Variants in ASAP2 observed in about 807,000 individuals in gnomAD.
The protein encoded by ASAP2 is arf-GAP with SH3 domain, ANK repeat and PH domain-containing protein 2.
ASAP2 carries 45 observed loss-of-function variants against 131.4 expected under a neutral mutation model. The ratio of observed to expected loss-of-function variants is 0.34; its 90% CI spans 0.27 to 0.44. The LOEUF is 0.44. Ranked by LOEUF, ASAP2 falls within the 20% of genes least tolerant of loss-of-function variation. The pLI is 1.00. For synonymous variants in ASAP2, 510 were observed against 503.0 expected, an observed-to-expected ratio of 1.01 and a Z score of -0.19; for missense variants, 1,011 against 1,297.0, an observed-to-expected ratio of 0.78 and a Z score of 3.39.
At chr2:9,300,213 C>CA (rs796458018) in intron 3 of ASAP2, among the ~76,000 whole-genome samples, 8 of 152,354 alleles carry the variant, frequency 5.3e-5, no homozygotes, top group African/African-American at 1.9e-4. Context: ...ACCTGGGCGA[C>CA]AGAGAGTGAG....
chr2:9,284,597 T>C (rs949465801), intron 2 of ASAP2, among the ~76,000 whole-genome samples: 4 of 152,162 alleles, frequency 2.6e-5, no homozygotes, highest in Non-Finnish European at 5.9e-5. Context: ...GGATTGCTAG[T>C]GAAGATTAAG....
rs1327894521 is a variant in ASAP2, at chr2:9,311,198, C to T, written c.346-7326C>T. Among the ~76,000 whole-genome samples the T allele has an allele frequency of 1.3e-5, 2 of 151,724 alleles. No individual in the cohort carries two copies. Among genetic ancestry groups the T allele is most frequent in the Admixed American group, 1.3e-4 (2 of 15,228 alleles). ...CTTGAGCCCAGAAGTTTGAGACCAG[C>T]GTTGGCAACATGGGGAGACCCTGTC... On this transcript the variant is annotated intron_variant, in intron 3 of 27. Transcript: ENST00000281419. The surrounding 1 kb of genome is among the most constrained non-coding windows in gnomAD (Gnocchi z 5.2).
At chr2:9,336,961 C>T (rs1399513237) in intron 9 of ASAP2, among the ~76,000 whole-genome samples, 4 of 152,226 alleles carry the variant, frequency 2.6e-5, no homozygotes, top group African/African-American at 4.8e-5. Flanking sequence ...CCTCTGGGCA[C>T]AGTGCAAAGG....
chr2:9,273,095 T>C (rs1666515447), intron 1 of ASAP2, among the ~76,000 whole-genome samples: 1 of 152,204 alleles, frequency 6.6e-6, no homozygotes, highest in South Asian at 2.1e-4. Flanking sequence ...AAAGCATTGG[T>C]ATTTTGATAG....
chr2:9,298,397 C>T (rs941287505), intron 3 of ASAP2, among the ~76,000 whole-genome samples: 12 of 152,324 alleles, frequency 7.9e-5, no homozygotes, highest in Non-Finnish European at 1.6e-4. Flanking sequence ...AGCAGGAGCA[C>T]TCGGGCCCTT....
intron 23 of ASAP2, among the ~76,000 whole-genome samples, chr2:9,391,659 C>G (rs1675732798): frequency 6.6e-6 from 1 of 150,608 alleles, no homozygotes. Flanking sequence ...GCTGCAACCT[C>G]TGCCTCCCGG....
At chr2:9,241,474 C>G (rs1250599098) in intron 1 of ASAP2, among the ~76,000 whole-genome samples, 1 of 152,122 alleles carries the variant, frequency 6.6e-6, no homozygotes, top group Non-Finnish European at 1.5e-5. Context: ...TGTGGTGGCT[C>G]ATGCCTATAA....
Position 9,358,884 on chromosome 2 carries a change from C to T in ASAP2, c.1456C>T (p.Leu486=). 2 of 1,600,688 alleles carry T rather than the reference C, an allele frequency of 1.2e-6. No homozygotes were observed. Residue 486 remains leucine, a synonymous_variant, in exon 15 of 28, where the codon CTG becomes TTG. Transcript: ENST00000281419. The part of the protein sequence containing the change: ...LTLDVLGTSE[L]LLAKNIGNAG... ...CTTAGATGTACTGGGAACATCTGAG[C>T]TGCTGGTAATTTTTAAATCCTTGAT...
chr2:9,253,093 GT>G (rs1334451809), intron 1 of ASAP2, among the ~76,000 whole-genome samples: 1 of 152,010 alleles, frequency 6.6e-6, no homozygotes, highest in African/African-American at 2.4e-5. Flanking sequence ...GTTTTTTGTT[GT>G]TTTTTAAAAA....
At chr2:9,256,181 A>G (rs1050686962) in intron 1 of ASAP2, among the ~76,000 whole-genome samples, 3 of 142,540 alleles carry the variant, frequency 2.1e-5, no homozygotes, top group Non-Finnish European at 3.0e-5. Flanking sequence ...AAAAAAAAAA[A>G]GAAAGCAAGT....
rs752861646 is a variant in ASAP2, at chr2:9,388,291, C to T, written c.2131-3C>T. 6.2e-7 allele frequency: 1 copy of T among 1,613,562 alleles called. No individual in the cohort carries two copies. Reference sequence around the variant, plus strand: ...ACGCCTCTGCCCCAATGTTCTCCTGCAGCCCAGTCCCAACCGGCGGGAAGA... The same window carrying T: ...ACGCCTCTGCCCCAATGTTCTCCTGTAGCCCAGTCCCAACCGGCGGGAAGA... On this transcript the variant is annotated splice_region_variant and splice_polypyrimidine_tract_variant and intron_variant, in intron 21 of 27. Transcript: ENST00000281419.
At chr2:9,231,678 C>T (rs1283847281) in intron 1 of ASAP2, among the ~76,000 whole-genome samples, 1 of 152,162 alleles carries the variant, frequency 6.6e-6, no homozygotes, top group Non-Finnish European at 1.5e-5. Context: ...TCTGCCTGGC[C>T]CTTGGGTGTC....
chr2:9,349,160 A>T (rs1672171171), intron 11 of ASAP2, among the ~76,000 whole-genome samples: 1 of 152,220 alleles, frequency 6.6e-6, no homozygotes, highest in Non-Finnish European at 1.5e-5. Flanking sequence ...TATAATAAAA[A>T]TAGCTGAGTA....
intron 16 of ASAP2, among the ~76,000 whole-genome samples, chr2:9,373,451 GTGGGAGTAA>G (rs1167370490): frequency 6.6e-6 from 1 of 152,254 alleles, no homozygotes; most frequent in Admixed American, 6.5e-5. Context: ...TCTGGGTGCT[GTGGGAGTAA>G]TGGCTTCTCA....
At chr2:9,286,007 C>T (rs1667436881) in intron 2 of ASAP2, among the ~76,000 whole-genome samples, 1 of 152,150 alleles carries the variant, frequency 6.6e-6, no homozygotes, top group African/African-American at 2.4e-5. Context: ...CAAATTCATA[C>T]AGAAAACTAT....
chr2:9,238,685 G>GT (rs964149177), intron 1 of ASAP2, among the ~76,000 whole-genome samples: 28 of 151,320 alleles, frequency 1.9e-4, no homozygotes, highest in South Asian at 2.1e-4. Context: ...TTTTTGGCCA[G>GT]TTTTTTTTTG....
rs1463006934 is a variant in ASAP2 at position 9,210,007 on chromosome 2, T to C, written c.126+2777T>C. Among the ~76,000 whole-genome samples, 3 of 152,384 alleles carry C rather than the reference T, an allele frequency of 2.0e-5. No individual in the cohort carries two copies. In the East Asian group the frequency reaches 5.8e-4, roughly 29 times the overall value. ...GTTGCTGGAATATTATTATAGTAAC[T>C]GTTGGGCCCTTATCCTGTACTATGA... is the stretch of plus-strand genomic sequence containing the variant. On this transcript the variant is annotated intron_variant, in intron 1 of 27. Transcript: ENST00000281419.
chr2:9,400,870 C>A, intron 26 of ASAP2, 40 bp downstream of exon 26: 1 of 1,577,032 alleles, frequency 6.3e-7, no homozygotes, highest in Non-Finnish European at 8.7e-7. Context: ...CTGCTCTAGC[C>A]AGGGGGGTGC....
chr2:9,309,282 T>C (rs1669141861), intron 3 of ASAP2, among the ~76,000 whole-genome samples: 1 of 152,230 alleles, frequency 6.6e-6, no homozygotes, highest in African/African-American at 2.4e-5. Context: ...GGAACAGTGC[T>C]GGCCAAGAAA....
Sources: allele counts gnomAD v4.1 joint callset (sites outside exome capture counted in the v4.1 genomes callset), GRCh38; gene constraint gnomAD v4.1.1; non-coding constraint Gnocchi (gnomAD v3.1); transcripts MANE v1.5; gene names NCBI Gene and HGNC (gene_info 2026-07-23, HGNC 2026-07-21).